OSBPL3: variants seen among roughly 807,000 people sequenced by gnomAD.
OSBPL3 encodes oxysterol-binding protein-related protein 3.
A neutral mutation model predicts 120.1 loss-of-function variants in OSBPL3; 65 were observed. The ratio of observed to expected loss-of-function variants is 0.54; its 90% CI spans 0.44 to 0.67. The LOEUF is 0.67. OSBPL3 is among the 30% of genes least tolerant of loss of function. The pLI is 0.00. For synonymous variants in OSBPL3, 416 were observed against 402.6 expected (o/e 1.03, Z -0.40); for missense variants, 1,004 against 1,082.1 (o/e 0.93, Z 1.01).
rs137864198 is a variant in OSBPL3 at position 24,820,062 on chromosome 7, C to T, written c.1948+113G>A. The T allele has an allele frequency of 5.4e-6, 4 of 743,100 alleles. No homozygotes were observed. The East Asian group carries it at 8.7e-5, about 16-fold the overall frequency. The allele number at this position is 743,100 out of a possible 1,614,324, so 46.0% of individuals were successfully genotyped here. Reference sequence around the variant, plus strand: ...GTGGCGCAGATCCTTCCAACCAGGCCCAAATCCAAGGACCACTTTTGATCT... The same window carrying T: ...GTGGCGCAGATCCTTCCAACCAGGCTCAAATCCAAGGACCACTTTTGATCT... On this transcript the variant is annotated intron_variant, in intron 17 of 22. Coordinates refer to ENST00000313367, the MANE Select transcript of OSBPL3 (RefSeq NM_015550.4). The surrounding 1 kb of genome is among the most constrained non-coding windows in gnomAD (Gnocchi z 4.6).
intron 14 of OSBPL3, among the ~76,000 whole-genome samples, chr7:24,838,876 CCTTCTT>C (rs1797338977): frequency 6.6e-6 from 1 of 152,106 alleles, no homozygotes; most frequent in Admixed American, 6.6e-5. Context: ...GTGTTTTTGG[CCTTCTT>C]CTTCAAACCC....
At chr7:24,860,164 C>T (rs946579162) in intron 10 of OSBPL3, among the ~76,000 whole-genome samples, 2 of 152,194 alleles carry the variant, frequency 1.3e-5, no homozygotes, top group African/African-American at 4.8e-5. Context: ...GTCCACATTC[C>T]TGTAACCAGC....
At chr7:24,906,357 G>T in intron 1 of OSBPL3, 1 of 241,764 alleles carries the variant, frequency 4.1e-6, no homozygotes, top group Non-Finnish European at 8.6e-6. Flanking sequence ...CGGGAGACTT[G>T]CGAGGAGGTG....
chr7:24,974,783 G>A (rs1474549045), intron 1 of OSBPL3, among the ~76,000 whole-genome samples: 1 of 152,168 alleles, frequency 6.6e-6, no homozygotes, highest in Non-Finnish European at 1.5e-5. Context: ...TATATGAAAT[G>A]TCTAGAATAG....
Position 24,980,149 on chromosome 7 carries a change from C to G in OSBPL3, c.-413G>C. The G allele has an allele frequency of 4.9e-6, 3 of 613,784 alleles. No individual in the cohort carries two copies. The highest frequency in any genetic ancestry group is 6.1e-6 in the Non-Finnish European group (3 of 490,224). The allele number at this position is 613,784 out of a possible 1,614,324, so 38.0% of individuals were successfully genotyped here. A position where few individuals can be genotyped will look rare whatever the true frequency, so the allele number is the denominator to read the frequency against. On this transcript the variant is annotated 5_prime_UTR_variant, in exon 1 of 23. Transcript: ENST00000313367. ...CTGGCGGGCGCCACCAGCACGCGGC[C>G]AGTTCTGAGTACTTTGCCCAGAACT...
intron 1 of OSBPL3, among the ~76,000 whole-genome samples, chr7:24,902,393 A>G (rs1807162701): frequency 6.6e-6 from 1 of 152,138 alleles, no homozygotes; most frequent in African/African-American, 2.4e-5. Context: ...TTCACTGAAA[A>G]TTATTGCACA....
At chr7:24,920,518 C>A (rs75401468) in intron 1 of OSBPL3, among the ~76,000 whole-genome samples, 2,099 of 152,216 alleles carry the variant, frequency 0.014, 67 homozygotes, top group East Asian at 0.063. Context: ...TATGGAGTTT[C>A]TTTTTGAGTG....
chr7:24,861,541 AGG>A, intron 10 of OSBPL3, 70 bp downstream of exon 10: 1 of 1,004,248 alleles, frequency 1.0e-6, no homozygotes, highest in Non-Finnish European at 1.5e-6. Context: ...ACTCTCTCTA[AGG>A]ACATCTCACA....
At position 24,939,801 on chromosome 7, in the gene OSBPL3, A is replaced by C. The variant is rs1458169423; in HGVS notation, c.-150+40085T>G. ...CCAGTTCAGTCACTGAGAAGGGGGAAAAAATCAGTAACAGGGGGCTATAAC... is the reference window on the plus strand; with the variant it reads ...CCAGTTCAGTCACTGAGAAGGGGGACAAAATCAGTAACAGGGGGCTATAAC... On this transcript the variant is annotated intron_variant, in intron 1 of 22. Transcript: ENST00000313367. This position sits in a 1 kb window ranked among gnomAD's most constrained non-coding sequence, Gnocchi z 4.2. Among the ~76,000 whole-genome samples, 1 of 152,158 alleles carries C rather than the reference A, an allele frequency of 6.6e-6. No individual in the cohort carries two copies. Among genetic ancestry groups the C allele is most frequent in the Non-Finnish European group, 1.5e-5 (1 of 68,020 alleles).
chr7:24,916,920 C>CCCA lies in OSBPL3; in HGVS notation c.-149-24300_-149-24299insTGG, dbSNP rs1554404714. Among the ~76,000 whole-genome samples the CCCA allele has an allele frequency of 2.8e-4, 41 of 148,644 alleles. No homozygotes were observed. Among genetic ancestry groups the CCCA allele is most frequent in the African/African-American group, 1.0e-3 (41 of 40,812 alleles). On this transcript the variant is annotated intron_variant, in intron 1 of 22. Coordinates refer to ENST00000313367, the MANE Select transcript of OSBPL3 (RefSeq NM_015550.4). The surrounding 1 kb of genome is among the most constrained non-coding windows in gnomAD (Gnocchi z 4.9). ...CCACTAAGACGTCTTCCATTTCCAC[C>CCCA]CCCCCCAACCTTTTTAGAAAATTAA... is the stretch of plus-strand genomic sequence containing the variant.
In OSBPL3 at chr7:24,959,203, G is replaced by A. The variant is rs1815432535; in HGVS notation, c.-150+20683C>T. The stretch of plus-strand genomic sequence containing the variant: ...GAAGCTAAACATATGTTAACTCTGT[G>A]ACCCAGCAATTCTACTCCTTGGTAT... On this transcript the variant is annotated intron_variant, in intron 1 of 22. Coordinates refer to ENST00000313367, the MANE Select transcript of OSBPL3 (RefSeq NM_015550.4). This position sits in a 1 kb window ranked among gnomAD's most constrained non-coding sequence, Gnocchi z 4.3. 6.6e-6 allele frequency among the ~76,000 whole-genome samples: 1 copy of A among 152,060 alleles called. No individual in the cohort carries two copies. Among genetic ancestry groups the A allele is most frequent in the South Asian group, 2.1e-4 (1 of 4,830 alleles).
chr7:24,822,727 TA>T lies in OSBPL3; in HGVS notation c.1885-2490del, dbSNP rs1392499721. 2.6e-5 allele frequency among the ~76,000 whole-genome samples: 4 copies of T among 152,194 alleles called. No individual in the cohort carries two copies. Among genetic ancestry groups the T allele is most frequent in the African/African-American group, 9.6e-5 (4 of 41,454 alleles). ...CCATACGCCTCTTCTGTAATAATTT[TA>T]AACCCCATAAAACAGGGATAAATAT... On this transcript the variant is annotated intron_variant, in intron 16 of 22. Coordinates refer to ENST00000313367, the MANE Select transcript of OSBPL3 (RefSeq NM_015550.4). The surrounding 1 kb of genome is among the most constrained non-coding windows in gnomAD (Gnocchi z 5.8).
At position 24,803,858 on chromosome 7, in the gene OSBPL3, G is replaced by A. The variant is rs1792687168; in HGVS notation, c.2567+457C>T. On this transcript the variant is annotated intron_variant, in intron 22 of 22. Transcript: ENST00000313367. This position sits in a 1 kb window ranked among gnomAD's most constrained non-coding sequence, Gnocchi z 4.2. ...CAGTAAATGTAAGCCCAAGTGTACTGGAACTTCTACAATGCAAGAAACAGA... is the reference window on the plus strand; with the variant it reads ...CAGTAAATGTAAGCCCAAGTGTACTAGAACTTCTACAATGCAAGAAACAGA... Among the ~76,000 whole-genome samples the A allele has an allele frequency of 6.6e-6, 1 of 152,120 alleles. No individual in the cohort carries two copies. The highest frequency in any genetic ancestry group is 2.4e-5 in the African/African-American group (1 of 41,428).
At chr7:24,948,488 A>C (rs923409078) in intron 1 of OSBPL3, among the ~76,000 whole-genome samples, 1 of 152,232 alleles carries the variant, frequency 6.6e-6, no homozygotes, top group Non-Finnish European at 1.5e-5. Context: ...TCAGAGGCTA[A>C]ATGATGTCCA....
rs1795501556 is a variant in OSBPL3, at chr7:24,824,761, G to A, written c.1885-4523C>T. On this transcript the variant is annotated intron_variant, in intron 16 of 22. Coordinates refer to ENST00000313367, the MANE Select transcript of OSBPL3 (RefSeq NM_015550.4). This position sits in a 1 kb window ranked among gnomAD's most constrained non-coding sequence, Gnocchi z 4.9. The stretch of plus-strand genomic sequence containing the variant: ...ATTTGTCAGTAGAAATTGTGTTAAG[G>A]AAAATAAAGCAGGGCATGAGGATGT... 6.6e-6 allele frequency among the ~76,000 whole-genome samples: 1 copy of A among 152,188 alleles called. No homozygotes were observed. Among genetic ancestry groups the A allele is most frequent in the Non-Finnish European group, 1.5e-5 (1 of 68,036 alleles).
At chr7:24,861,439 T>G (rs1800518393) in intron 10 of OSBPL3, among the ~76,000 whole-genome samples, 174 bp downstream of exon 10, 2 of 152,204 alleles carry the variant, frequency 1.3e-5, no homozygotes, top group African/African-American at 4.8e-5. Flanking sequence ...AAAAAGAAAG[T>G]TCTTGCCAAT....
chr7:24,871,001 A>G lies in OSBPL3; in HGVS notation c.268-156T>C, dbSNP rs1370266243. 2.6e-5 allele frequency among the ~76,000 whole-genome samples: 4 copies of G among 152,240 alleles called. No homozygotes were observed. The highest frequency in any genetic ancestry group is 4.1e-4 in the South Asian group (2 of 4,830). ...GCCAGTGCTGAGTTACGTGCTGGACATGCACTGTCTTCCTGAATCTCCGAG... is the reference window on the plus strand; with the variant it reads ...GCCAGTGCTGAGTTACGTGCTGGACGTGCACTGTCTTCCTGAATCTCCGAG... On this transcript the variant is annotated intron_variant, in intron 4 of 22. Transcript: ENST00000313367. This position sits in a 1 kb window ranked among gnomAD's most constrained non-coding sequence, Gnocchi z 4.8.
Position 24,871,570 on chromosome 7 carries a change from T to C in OSBPL3, c.267+172A>G, listed in dbSNP as rs142705324. On this transcript the variant is annotated intron_variant, in intron 4 of 22. Transcript: ENST00000313367. The surrounding 1 kb of genome is among the most constrained non-coding windows in gnomAD (Gnocchi z 4.8). The stretch of plus-strand genomic sequence containing the variant: ...TTGCGGGAGCCCCTGCACCTTGACC[T>C]GGTGGAAGAACTGAGCCTGCCTGGA... 9.5e-3 allele frequency among the ~76,000 whole-genome samples: 1,439 copies of C among 152,260 alleles called. 19 individuals are homozygous for C. The highest frequency in any genetic ancestry group is 0.014 in the Non-Finnish European group (964 of 68,016).
intron 12 of OSBPL3, among the ~76,000 whole-genome samples, chr7:24,846,767 A>G (rs1400761281): frequency 6.6e-6 from 1 of 152,308 alleles, no homozygotes; most frequent in East Asian, 1.9e-4. Context: ...ACGTGTGGCT[A>G]AAGAAAAGGT....
Sources: allele counts gnomAD v4.1 joint callset (sites outside exome capture counted in the v4.1 genomes callset), GRCh38; gene constraint gnomAD v4.1.1; non-coding constraint Gnocchi (gnomAD v3.1); transcripts MANE v1.5; gene names NCBI Gene and HGNC (gene_info 2026-07-23, HGNC 2026-07-21).